Variants in NADK2 observed in about 807,000 individuals in gnomAD.
NADK2 encodes NAD kinase domain-containing protein 1, mitochondrial.
In NADK2, 35 loss-of-function variants were observed where a neutral mutation model predicts 62.1. The observed-to-expected ratio is 0.56, with a 90% confidence interval of 0.43 to 0.75. The LOEUF is 0.75. Among genes scored for constraint, NADK2 ranks in the 30% least tolerant of loss-of-function variants. The pLI is 0.00. For missense variants in NADK2, 439 were observed against 561.3 expected (o/e 0.78, Z 2.20); for synonymous variants, 205 against 207.9 (o/e 0.99, Z 0.12).
At chr5:36,204,922 T>C (rs1330642711) in intron 8 of NADK2, among the ~76,000 whole-genome samples, 2 of 152,048 alleles carry the variant, frequency 1.3e-5, no homozygotes, top group Non-Finnish European at 2.9e-5. Flanking sequence ...GTCACTCTTA[T>C]ACATATTAAA....
intron 6 of NADK2, chr5:36,213,012 C>T (rs1274560784): frequency 6.6e-6 from 1 of 152,212 alleles, no homozygotes; most frequent in Non-Finnish European, 1.5e-5. Flanking sequence ...TCTCAGATCA[C>T]CTGCTCTAGA....
rs1002284121 is a variant in NADK2 at position 36,192,884 on chromosome 5, G to A, written c.*2260C>T. 5.9e-5 allele frequency: 9 copies of A among 152,106 alleles called. No individual in the cohort carries two copies. The highest frequency in any genetic ancestry group is 2.2e-4 in the African/African-American group (9 of 41,416). 9.4% of individuals were successfully genotyped at this position (152,106 alleles called of 1,614,324 possible). Reference sequence around the variant, plus strand: ...AAATAAGAAATGTTAAAAAGAAGAGGTAACAGTGGAGTAATTTTATTCACA... The same window carrying A: ...AAATAAGAAATGTTAAAAAGAAGAGATAACAGTGGAGTAATTTTATTCACA... On this transcript the variant is annotated 3_prime_UTR_variant, in exon 12 of 12. Transcript: ENST00000381937.
intron 9 of NADK2, 42 bp downstream of exon 9, chr5:36,201,064 C>T (rs769654747): frequency 1.2e-5 from 19 of 1,544,130 alleles, no homozygotes; most frequent in South Asian, 1.1e-4. Flanking sequence ...TTGTCCCCTG[C>T]GGATAAGAGG....
intron 1 of NADK2, among the ~76,000 whole-genome samples, chr5:36,240,176 C>A (rs1748053766): frequency 6.6e-6 from 1 of 152,198 alleles, no homozygotes; most frequent in Non-Finnish European, 1.5e-5. Context: ...CTACTCTAAC[C>A]TCCTGTTCAA....
intron 7 of NADK2, among the ~76,000 whole-genome samples, chr5:36,208,292 A>G (rs1746712650): frequency 6.6e-6 from 1 of 152,128 alleles, no homozygotes; most frequent in African/African-American, 2.4e-5. Flanking sequence ...CAGGCCTAAT[A>G]TTCACATTTA....
chr5:36,226,386 T>G, intron 3 of NADK2, 89 bp downstream of exon 3: 1 of 1,009,316 alleles, frequency 9.9e-7, no homozygotes, highest in Non-Finnish European at 1.5e-6. Context: ...CTCTGAAGGC[T>G]TCAATATAGC....
Position 36,207,154 on chromosome 5 carries a change from A to C in NADK2, c.956+16T>G. The C allele has an allele frequency of 6.3e-7, 1 of 1,596,888 alleles. No individual in the cohort carries two copies. The highest frequency in any genetic ancestry group is 2.2e-5 in the East Asian group (1 of 44,752). The stretch of plus-strand genomic sequence containing the variant: ...TATTTCACAAAACTTGATAAGCAAC[A>C]TCCCAAGTTACTCACCAGGCCTTTG... On this transcript the variant is annotated intron_variant, in intron 8 of 11. Transcript: ENST00000381937.
At position 36,213,419 on chromosome 5, in the gene NADK2, T is replaced by C. The variant is rs115662633; in HGVS notation, c.782-1497A>G. On this transcript the variant is annotated intron_variant, in intron 6 of 11. Coordinates refer to ENST00000381937, the MANE Select transcript of NADK2 (RefSeq NM_001085411.3). ...AATTATTATATTCTTCTGTTTATTA[T>C]GTTTATTAAATGGAACATTATATTT... Among the ~76,000 whole-genome samples the C allele has an allele frequency of 3.8e-3, 571 of 152,106 alleles. 3 individuals are homozygous for C. The highest frequency in any genetic ancestry group is 0.013 in the African/African-American group (534 of 41,536).
intron 1 of NADK2, among the ~76,000 whole-genome samples, chr5:36,239,132 G>A (rs1228090855): frequency 6.6e-6 from 1 of 152,152 alleles, no homozygotes; most frequent in Non-Finnish European, 1.5e-5. Flanking sequence ...CAGCCATGGT[G>A]AGACTCAAGC....
rs1320246896 is a variant in NADK2, at chr5:36,217,455, T to C, written c.781+293A>G. On this transcript the variant is annotated intron_variant, in intron 6 of 11. Coordinates refer to ENST00000381937, the MANE Select transcript of NADK2 (RefSeq NM_001085411.3). Reference sequence around the variant, plus strand: ...ATCTCTACTGCTTTTTTTTTTGACATTTCAAAGATTAAGGCCAAGAATCTT... The same window carrying C: ...ATCTCTACTGCTTTTTTTTTTGACACTTCAAAGATTAAGGCCAAGAATCTT... Among the ~76,000 whole-genome samples, 4 of 152,206 alleles carry C rather than the reference T, an allele frequency of 2.6e-5. No homozygotes were observed. In the South Asian group the frequency reaches 6.2e-4, roughly 24 times the overall value.
chr5:36,241,820 G>C lies in NADK2; in HGVS notation c.-22C>G, dbSNP rs62356073. On this transcript the variant is annotated 5_prime_UTR_variant, in exon 1 of 12. Coordinates refer to ENST00000381937, the MANE Select transcript of NADK2 (RefSeq NM_001085411.3). The surrounding 1 kb of genome is among the most constrained non-coding windows in gnomAD (Gnocchi z 4.9). ...TCATCGTGGGCCGGGCCGCGGCCGC[G>C]GGCTTGGGCTCGGGCCCCTTGCCTC... 3.1e-6 allele frequency: 4 copies of C among 1,290,790 alleles called. No individual in the cohort carries two copies. The highest frequency in any genetic ancestry group is 3.9e-6 in the Non-Finnish European group (4 of 1,020,848). 80.0% of individuals were successfully genotyped at this position (1,290,790 alleles called of 1,614,324 possible).
At chr5:36,211,732 A>T (rs1173902659) in intron 7 of NADK2, 112 bp downstream of exon 7, 1 of 845,724 alleles carries the variant, frequency 1.2e-6, no homozygotes, top group African/African-American at 1.7e-5. Context: ...ATGAACTGCC[A>T]TTACTTGCAA....
rs375176962 is a variant in NADK2, at chr5:36,215,954, C to T, written c.781+1794G>A. Among the ~76,000 whole-genome samples, 3 of 152,228 alleles carry T rather than the reference C, an allele frequency of 2.0e-5. No individual in the cohort carries two copies. The East Asian group carries it at 5.8e-4, about 29-fold the overall frequency. ...ATTTCCTTTCCTTTGGATAAATAGC[C>T]AGTAGTGGGATTGCTAGATTGTATG... On this transcript the variant is annotated intron_variant, in intron 6 of 11. Transcript: ENST00000381937.
intron 7 of NADK2, among the ~76,000 whole-genome samples, chr5:36,209,162 G>T (rs1746749293): frequency 6.6e-6 from 1 of 152,084 alleles, no homozygotes; most frequent in Admixed American, 6.6e-5. Context: ...CCAATCCATT[G>T]CTGTCCTTAC....
At chr5:36,221,636 A>T in intron 4 of NADK2, 1 of 152,254 alleles carries the variant, frequency 6.6e-6, no homozygotes, top group East Asian at 1.9e-4. Context: ...AGGCAAGAAG[A>T]GAAACCAAAG....
At chr5:36,201,208 G>T in intron 8 of NADK2, 47 bp from the exon 9 acceptor site, 2 of 1,508,768 alleles carry the variant, frequency 1.3e-6, no homozygotes, top group Non-Finnish European at 9.2e-7. Context: ...CTAAAAACAT[G>T]CTAAAAATCA....
chr5:36,224,860 C>T (rs1401601982), intron 4 of NADK2, among the ~76,000 whole-genome samples: 1 of 151,970 alleles, frequency 6.6e-6, no homozygotes, highest in Non-Finnish European at 1.5e-5. Context: ...ACAAAAAGTG[C>T]CAATAGTGTT....
intron 1 of NADK2, among the ~76,000 whole-genome samples, chr5:36,232,204 C>A (rs1747733743): frequency 6.6e-6 from 1 of 152,128 alleles, no homozygotes; most frequent in Non-Finnish European, 1.5e-5. Context: ...GTTTATAACA[C>A]CTTTATTAAA....
chr5:36,234,740 A>G, intron 1 of NADK2, among the ~76,000 whole-genome samples: 1 of 152,226 alleles, frequency 6.6e-6, no homozygotes, highest in East Asian at 1.9e-4. Flanking sequence ...GTAGCTGAAT[A>G]CACAGGTGTC....
Sources: allele counts gnomAD v4.1 joint callset (sites outside exome capture counted in the v4.1 genomes callset), GRCh38; gene constraint gnomAD v4.1.1; non-coding constraint Gnocchi (gnomAD v3.1); transcripts MANE v1.5; gene names NCBI Gene and HGNC (gene_info 2026-07-23, HGNC 2026-07-21).